The following CRPPA variants were observed in gnomAD, a reference collection of about 807,000 sequenced individuals.
The protein encoded by CRPPA is D-ribitol-5-phosphate cytidylyltransferase.
Under a neutral mutation model 52.0 loss-of-function variants are expected in CRPPA, and 43 were observed. The ratio of observed to expected loss-of-function variants is 0.83; its 90% CI spans 0.65 to 1.07. The LOEUF is 1.07. Among genes scored for constraint, CRPPA ranks in the 50% least tolerant of loss-of-function variants. CRPPA has a pLI of 0.00. For synonymous variants in CRPPA, 250 were observed against 203.5 expected (o/e 1.23, Z -1.94); for missense variants, 629 against 551.7 (o/e 1.14, Z -1.40).
chr7:16,323,487 A>T (rs1785308134), intron 3 of CRPPA, among the ~76,000 whole-genome samples: 1 of 152,184 alleles, frequency 6.6e-6, no homozygotes, highest in Non-Finnish European at 1.5e-5. Flanking sequence ...CTCCATGAGA[A>T]GAACATGGTT....
At chr7:16,208,085 T>C (rs1782016818) in intron 9 of CRPPA, among the ~76,000 whole-genome samples, 1 of 152,202 alleles carries the variant, frequency 6.6e-6, no homozygotes. Context: ...CACTATTTTC[T>C]AGCAATTATT....
At chr7:16,108,634 GTCCAACAGCAATAGAATACATA>G (rs1411096262) in intron 9 of CRPPA, among the ~76,000 whole-genome samples, 1 of 151,756 alleles carries the variant, frequency 6.6e-6, no homozygotes, top group Non-Finnish European at 1.5e-5. Flanking sequence ...AGAACATTCT[GTCCAACAGCAATAGAATACATA>G]TTCTTCTCAA....
intron 9 of CRPPA, among the ~76,000 whole-genome samples, chr7:16,168,008 T>A (rs766880188): frequency 1.3e-5 from 2 of 152,258 alleles, no homozygotes; most frequent in Non-Finnish European, 2.9e-5. Flanking sequence ...CCCTTTCTTC[T>A]TTTTATGTAT....
intron 9 of CRPPA, among the ~76,000 whole-genome samples, chr7:16,130,634 T>C (rs1221234791): frequency 2.6e-5 from 4 of 152,260 alleles, no homozygotes; most frequent in African/African-American, 9.6e-5. Flanking sequence ...TTTCCTTTTG[T>C]ACACTAAGTA....
At chr7:16,294,835 G>A (rs531869184) in intron 5 of CRPPA, among the ~76,000 whole-genome samples, 4 of 152,028 alleles carry the variant, frequency 2.6e-5, no homozygotes, top group East Asian at 1.9e-4. Flanking sequence ...CCACAGATGC[G>A]GAATGTTGTC....
chr7:16,117,498 T>A (rs1356645870), intron 9 of CRPPA, among the ~76,000 whole-genome samples: 2 of 152,210 alleles, frequency 1.3e-5, no homozygotes, highest in African/African-American at 4.8e-5. Flanking sequence ...TCAGGAAGGA[T>A]GGAAGAGCAA....
intron 9 of CRPPA, among the ~76,000 whole-genome samples, chr7:16,117,603 G>A (rs185572290): frequency 2.0e-5 from 3 of 152,204 alleles, no homozygotes; most frequent in Non-Finnish European, 4.4e-5. Context: ...TACATCATCA[G>A]AACCAGGGAG....
chr7:16,373,753 A>C (rs1786810167), intron 3 of CRPPA, among the ~76,000 whole-genome samples: 1 of 152,220 alleles, frequency 6.6e-6, no homozygotes, highest in African/African-American at 2.4e-5. Flanking sequence ...GAATTAGAGT[A>C]AGCATGGCTA....
At chr7:16,183,405 G>A (rs1022475199) in intron 9 of CRPPA, among the ~76,000 whole-genome samples, 11 of 152,150 alleles carry the variant, frequency 7.2e-5, no homozygotes, top group Admixed American at 3.9e-4. Context: ...GCCTTTTCTG[G>A]GAGCCACACA....
intron 9 of CRPPA, among the ~76,000 whole-genome samples, chr7:16,099,368 G>A (rs1427559708): frequency 1.4e-5 from 2 of 140,030 alleles, no homozygotes; most frequent in Admixed American, 7.2e-5. Flanking sequence ...GGGGAGTGTA[G>A]AGGAAGGCAG....
In CRPPA at chr7:16,131,902, G is replaced by A. The variant is rs542505807; in HGVS notation, c.1252-40103C>T. Among the ~76,000 whole-genome samples the A allele has an allele frequency of 2.0e-5, 3 of 152,298 alleles. No individual in the cohort carries two copies. In the East Asian group the frequency reaches 5.8e-4, roughly 29 times the overall value. On this transcript the variant is annotated intron_variant, in intron 9 of 9. Coordinates refer to ENST00000407010, the MANE Select transcript of CRPPA (RefSeq NM_001101426.4). The stretch of plus-strand genomic sequence containing the variant: ...CCACTTAAATTTCAAAGGTCATCAG[G>A]CAGAGCTTCAGGCTTGGGATCCCAC...
intron 3 of CRPPA, among the ~76,000 whole-genome samples, chr7:16,331,242 G>A (rs376450246): frequency 2.6e-5 from 4 of 151,972 alleles, no homozygotes; most frequent in African/African-American, 7.3e-5. Flanking sequence ...CTCGTGATCC[G>A]CCTGCCTCGG....
At chr7:16,171,906 A>C (rs1781194881) in intron 9 of CRPPA, among the ~76,000 whole-genome samples, 1 of 152,220 alleles carries the variant, frequency 6.6e-6, no homozygotes, top group African/African-American at 2.4e-5. Flanking sequence ...TCCCTCTTCG[A>C]CCAATCTTTT....
chr7:16,382,099 T>C, intron 2 of CRPPA, among the ~76,000 whole-genome samples: 1 of 152,212 alleles, frequency 6.6e-6, no homozygotes, highest in Non-Finnish European at 1.5e-5. Context: ...ATGGTCTTTA[T>C]AATTTGGCAT....
At chr7:16,331,562 A>G (rs6956615) in intron 3 of CRPPA, among the ~76,000 whole-genome samples, 25,121 of 152,174 alleles carry the variant, frequency 0.17, 2,598 homozygotes, top group South Asian at 0.42. Context: ...ATATTAATAG[A>G]ACATTTAGAA....
At chr7:16,295,934 T>C (rs1453459198) in intron 5 of CRPPA, among the ~76,000 whole-genome samples, 13 of 152,116 alleles carry the variant, frequency 8.5e-5, no homozygotes, top group African/African-American at 3.1e-4. Context: ...GAAAATTGTT[T>C]TAAATTTCAC....
intron 8 of CRPPA, among the ~76,000 whole-genome samples, chr7:16,244,144 T>G: frequency 6.6e-6 from 1 of 152,194 alleles, no homozygotes; most frequent in Non-Finnish European, 1.5e-5. Flanking sequence ...AATTTTTTTT[T>G]TCTGCTCTTC....
intron 2 of CRPPA, among the ~76,000 whole-genome samples, chr7:16,378,999 G>T (rs1338346124): frequency 2.0e-5 from 3 of 152,010 alleles, no homozygotes; most frequent in Non-Finnish European, 4.4e-5. Flanking sequence ...TGTAGATTCT[G>T]GATATTAGCC....
At chr7:16,404,990 G>A (rs893088250) in intron 2 of CRPPA, among the ~76,000 whole-genome samples, 1 of 152,048 alleles carries the variant, frequency 6.6e-6, no homozygotes, top group African/African-American at 2.4e-5. Context: ...AATTTAAAGT[G>A]AAATTCATGT....
Sources: allele counts gnomAD v4.1 joint callset (sites outside exome capture counted in the v4.1 genomes callset), GRCh38; gene constraint gnomAD v4.1.1; transcripts MANE v1.5; gene names NCBI Gene and HGNC (gene_info 2026-07-23, HGNC 2026-07-21).